The following GKAP1 variants were observed in gnomAD, a reference collection of about 807,000 sequenced individuals.
GKAP1 encodes the protein G kinase-anchoring protein 1.
In GKAP1, 31 loss-of-function variants were observed where a neutral mutation model predicts 56.7. The observed-to-expected ratio is 0.55, with a 90% CI of 0.41 to 0.74. GKAP1 has a LOEUF of 0.74. Among genes scored for constraint, GKAP1 ranks in the 30% least tolerant of loss-of-function variants. The pLI is 0.00. For synonymous variants in GKAP1, 151 were observed against 138.6 expected (o/e 1.09, Z -0.63); for missense variants, 364 against 402.3 (o/e 0.90, Z 0.82).
intron 2 of GKAP1, among the ~76,000 whole-genome samples, chr9:83,812,869 G>A (rs1335595198): frequency 2.0e-5 from 3 of 152,040 alleles, no homozygotes; most frequent in African/African-American, 7.2e-5. Context: ...AGCAACTATC[G>A]AAGACTAATA....
chr9:83,752,039 C>G (rs1397000826), intron 9 of GKAP1, among the ~76,000 whole-genome samples: 2 of 152,150 alleles, frequency 1.3e-5, no homozygotes, highest in Non-Finnish European at 2.9e-5. Flanking sequence ...TATATACACA[C>G]AATGAAAAAT....
chr9:83,804,658 T>A (rs1383178613), intron 3 of GKAP1, among the ~76,000 whole-genome samples: 1 of 128,552 alleles, frequency 7.8e-6, no homozygotes, highest in Non-Finnish European at 1.6e-5. Context: ...AGCCGCCCCG[T>A]CCGGGAGGGA....
chr9:83,802,545 AG>A (rs888467298), intron 3 of GKAP1, among the ~76,000 whole-genome samples: 112 of 151,632 alleles, frequency 7.4e-4, no homozygotes, highest in South Asian at 1.3e-3. Context: ...CAAGTTACAG[AG>A]GGTCAGGAAT....
chr9:83,798,629 T>C (rs555838675), intron 4 of GKAP1, among the ~76,000 whole-genome samples: 166 of 152,228 alleles, frequency 1.1e-3, no homozygotes, highest in Non-Finnish European at 1.9e-3. Context: ...TCTTCCCACC[T>C]CAGCCACCTG....
In GKAP1 at chr9:83,784,831, T is replaced by C; in HGVS notation, c.446A>G (p.Glu149Gly). The change falls in exon 6 of 13, where the codon GAA becomes GGA. Residue 149 changes from glutamate to glycine, a missense_variant. Glu to Gly is a moderately conservative substitution (Grantham distance 98, BLOSUM62 -2). Coordinates refer to ENST00000376371, the MANE Select transcript of GKAP1 (RefSeq NM_025211.4). The stretch of plus-strand genomic sequence containing the variant: ...CTGAGTTGAAGTATTTTCAGCATCT[T>C]CATACTCCTAAAAAGAATTACCAAC... ...LEYEEHKKEYEDAENTSTQSK... is the reference protein window; with the variant it reads ...LEYEEHKKEYGDAENTSTQSK... The C allele has an allele frequency of 6.4e-7, 1 of 1,569,862 alleles. No homozygotes were observed. The highest frequency in any genetic ancestry group is 1.9e-5 in the Admixed American group (1 of 52,508).
intron 3 of GKAP1, 58 bp downstream of exon 3, chr9:83,806,244 T>C: frequency 9.1e-7 from 1 of 1,104,738 alleles, no homozygotes; most frequent in Non-Finnish European, 1.3e-6. Context: ...AGATAGTATC[T>C]GTTCTCAGGA....
At chr9:83,773,811 C>T (rs1415377349) in intron 7 of GKAP1, among the ~76,000 whole-genome samples, 1 of 152,058 alleles carries the variant, frequency 6.6e-6, no homozygotes, top group African/African-American at 2.4e-5. Flanking sequence ...ACATTTAGCC[C>T]TCCTTTTTGG....
chr9:83,804,594 G>A (rs1360882409), intron 3 of GKAP1, among the ~76,000 whole-genome samples: 10 of 122,222 alleles, frequency 8.2e-5, no homozygotes, highest in South Asian at 5.6e-4. Flanking sequence ...CCCCCGGCCC[G>A]GCCAGCCGCC....
intron 8 of GKAP1, among the ~76,000 whole-genome samples, chr9:83,758,404 T>C (rs752333064): frequency 4.6e-5 from 7 of 152,094 alleles, no homozygotes; most frequent in African/African-American, 7.2e-5. Flanking sequence ...AAAATACCTA[T>C]GCATCTAGGC....
chr9:83,813,412 T>G (rs1481357715), intron 2 of GKAP1, among the ~76,000 whole-genome samples: 1 of 152,198 alleles, frequency 6.6e-6, no homozygotes, highest in Non-Finnish European at 1.5e-5. Flanking sequence ...AATCTAATGA[T>G]TATTTTATTT....
intron 8 of GKAP1, among the ~76,000 whole-genome samples, chr9:83,754,820 CTG>C (rs1277779445): frequency 6.6e-6 from 1 of 152,150 alleles, no homozygotes; most frequent in Non-Finnish European, 1.5e-5. Context: ...TTAGATTTGA[CTG>C]TGTGAGACTT....
chr9:83,812,915 AC>A (rs1944532219), intron 2 of GKAP1, among the ~76,000 whole-genome samples: 1 of 152,228 alleles, frequency 6.6e-6, no homozygotes, highest in Non-Finnish European at 1.5e-5. Flanking sequence ...ACCCTCGTTA[AC>A]TAATTTTTCA....
In GKAP1 at chr9:83,785,838, A is replaced by G. The variant is rs114640501; in HGVS notation, c.439-1000T>C. On this transcript the variant is annotated intron_variant, in intron 5 of 12. Coordinates refer to ENST00000376371, the MANE Select transcript of GKAP1 (RefSeq NM_025211.4). ...AAAATGATTAAACAGCTTTCTGCCA[A>G]TGGATGTATAAAACCCAATCTCCTT... Among the ~76,000 whole-genome samples the G allele has an allele frequency of 5.9e-3, 895 of 152,314 alleles. 7 individuals carry two copies. The highest frequency in any genetic ancestry group is 0.02 in the African/African-American group (812 of 41,562).
At chr9:83,814,178 C>G (rs1432144932) in intron 2 of GKAP1, among the ~76,000 whole-genome samples, 1 of 152,114 alleles carries the variant, frequency 6.6e-6, no homozygotes, top group African/African-American at 2.4e-5. Context: ...ACTTCATACC[C>G]AAAAAGCCAA....
In GKAP1 at chr9:83,813,351, A is replaced by G. The variant is rs573275424; in HGVS notation, c.-44+3645T>C. The stretch of plus-strand genomic sequence containing the variant: ...AATATGGTGGCTAATACTGTATATT[A>G]AACATTTACATATTATTAAACTACT... On this transcript the variant is annotated intron_variant, in intron 2 of 12. Transcript: ENST00000376371. Among the ~76,000 whole-genome samples the G allele has an allele frequency of 3.3e-5, 5 of 152,386 alleles. No individual in the cohort carries two copies. The South Asian group carries it at 1.0e-3, about 32-fold the overall frequency.
At chr9:83,812,766 T>C (rs1023282944) in intron 2 of GKAP1, among the ~76,000 whole-genome samples, 1 of 152,218 alleles carries the variant, frequency 6.6e-6, no homozygotes, top group African/African-American at 2.4e-5. Flanking sequence ...TTTTGCCCTG[T>C]GTCAAAATTT....
intron 4 of GKAP1, among the ~76,000 whole-genome samples, chr9:83,794,887 C>T (rs925111074): frequency 3.9e-5 from 6 of 151,954 alleles, no homozygotes; most frequent in Admixed American, 1.3e-4. Flanking sequence ...TGGTGGCTCG[C>T]GCCTGTAATC....
chr9:83,739,743 C>T lies in GKAP1; in HGVS notation c.1055G>A (p.Gly352Asp), dbSNP rs763036939. The T allele has an allele frequency of 1.2e-6, 2 of 1,602,780 alleles. No individual in the cohort carries two copies. Among genetic ancestry groups the T allele is most frequent in the Non-Finnish European group, 1.7e-6 (2 of 1,175,554 alleles). The change falls in exon 13 of 13, where the codon GGT (glycine) becomes GAT (aspartate). Residue 352 changes from glycine to aspartate, a missense_variant and splice_region_variant. By Grantham distance (94) the Gly-to-Asp change is moderately conservative. Coordinates refer to ENST00000376371, the MANE Select transcript of GKAP1 (RefSeq NM_025211.4). The part of the protein sequence containing the change: ...VLQAELAKYQ[G>D]GRKGKRNSES... ...AGAGTTTCTTTTCCCTTTTCTGCCA[C>T]CCTGTAAAAAAAAAAAAAAATAGGG...
intron 7 of GKAP1, among the ~76,000 whole-genome samples, chr9:83,772,388 G>A (rs915706117): frequency 5.3e-5 from 8 of 152,092 alleles, no homozygotes; most frequent in Admixed American, 3.3e-4. Context: ...CTATGCATAT[G>A]CCACAATTCA....
Sources: allele counts gnomAD v4.1 joint callset (sites outside exome capture counted in the v4.1 genomes callset), GRCh38; gene constraint gnomAD v4.1.1; transcripts MANE v1.5; gene names NCBI Gene and HGNC (gene_info 2026-07-23, HGNC 2026-07-21).